The following NAALADL2 variants were observed in gnomAD, a reference collection of about 807,000 sequenced individuals.
NAALADL2 encodes N-acetylated alpha-linked acidic dipeptidase like 2, also known as inactive N-acetylated-alpha-linked acidic dipeptidase-like protein 2.
A neutral mutation model predicts 87.2 loss-of-function variants in NAALADL2; 76 were observed. The ratio of observed to expected loss-of-function variants is 0.87; its 90% confidence interval spans 0.72 to 1.05. The LOEUF (loss-of-function observed/expected upper bound fraction) is 1.05, where lower values mean the gene tolerates loss of function less well. Among genes scored for constraint, NAALADL2 ranks in the 50% least tolerant of loss-of-function variants. The pLI is 0.00. For synonymous variants in NAALADL2, 354 were observed against 331.0 expected, an observed-to-expected ratio of 1.07 and a Z score of -0.75; for missense variants, 1,089 against 945.8, an observed-to-expected ratio of 1.15 and a Z score of -1.99.
chr3:175,118,372 T>C (rs1229936275), intron 2 of NAALADL2, among the ~76,000 whole-genome samples: 1 of 151,622 alleles, frequency 6.6e-6, no homozygotes, highest in Non-Finnish European at 1.5e-5. Context: ...GTATCAATAA[T>C]GAGTATGCTA....
intron 1 of NAALADL2, among the ~76,000 whole-genome samples, chr3:175,065,291 A>G (rs1294537378): frequency 1.3e-5 from 2 of 152,194 alleles, no homozygotes; most frequent in East Asian, 1.9e-4. Context: ...AAGTCTTACT[A>G]TAAATCACTG....
chr3:174,520,438 T>C (rs942426394), intron 1 of NAALADL2, among the ~76,000 whole-genome samples: 1 of 151,972 alleles, frequency 6.6e-6, no homozygotes, highest in African/African-American at 2.4e-5. Flanking sequence ...TTTGATAAAG[T>C]TGAGAAAAAT....
At chr3:175,266,725 A>C (rs900783200) in intron 4 of NAALADL2, among the ~76,000 whole-genome samples, 7 of 151,846 alleles carry the variant, frequency 4.6e-5, no homozygotes, top group South Asian at 2.1e-4. Flanking sequence ...ATTCAGAAAT[A>C]ACTCTTATAG....
intron 2 of NAALADL2, among the ~76,000 whole-genome samples, chr3:174,697,721 TTAAAAA>T: frequency 6.6e-6 from 1 of 152,158 alleles, no homozygotes. Flanking sequence ...ATTTTTCTTA[TTAAAAA>T]TAAATATGTA....
intron 3 of NAALADL2, among the ~76,000 whole-genome samples, chr3:174,801,484 C>T (rs1032634050): frequency 1.7e-4 from 26 of 152,204 alleles, no homozygotes; most frequent in African/African-American, 5.8e-4. Flanking sequence ...TGTAAATTGC[C>T]CAGTCTCAGG....
intron 10 of NAALADL2, 36 bp from the exon 11 acceptor site, chr3:175,627,255 A>G (rs2149715288): frequency 4.8e-6 from 7 of 1,465,734 alleles, no homozygotes; most frequent in South Asian, 1.3e-5. Flanking sequence ...AAAATCGATA[A>G]AGAGTTTTAA....
At chr3:175,208,167 A>T (rs1423668384) in intron 2 of NAALADL2, among the ~76,000 whole-genome samples, 1 of 152,062 alleles carries the variant, frequency 6.6e-6, no homozygotes, top group Non-Finnish European at 1.5e-5. Flanking sequence ...TAGTAAATTT[A>T]ATATTTTGAT....
At chr3:175,235,139 T>C (rs1007373798) in intron 3 of NAALADL2, 5 of 152,132 alleles carry the variant, frequency 3.3e-5, no homozygotes, top group Non-Finnish European at 7.4e-5. Context: ...CTGACTGTTG[T>C]TAATGGCACA....
At chr3:175,157,544 G>C (rs1339649423) in intron 2 of NAALADL2, among the ~76,000 whole-genome samples, 1 of 152,072 alleles carries the variant, frequency 6.6e-6, no homozygotes, top group Non-Finnish European at 1.5e-5. Flanking sequence ...AAACAACTCT[G>C]AATTAGCCTT....
chr3:175,623,274 T>C (rs1170391140), intron 10 of NAALADL2, among the ~76,000 whole-genome samples: 6 of 135,502 alleles, frequency 4.4e-5, no homozygotes, highest in Non-Finnish European at 9.6e-5. Flanking sequence ...ATTTAGTTAA[T>C]ACAGCTTTTA....
intron 1 of NAALADL2, among the ~76,000 whole-genome samples, chr3:174,450,890 A>AAAAG (rs1180049553): frequency 2.2e-4 from 33 of 150,170 alleles, no homozygotes; most frequent in Admixed American, 3.3e-4. Flanking sequence ...AAAAAAAAAA[A>AAAAG]AAAGAAAGAA....
At chr3:174,445,825 G>T (rs1158732816) in intron 1 of NAALADL2, among the ~76,000 whole-genome samples, 1 of 152,070 alleles carries the variant, frequency 6.6e-6, no homozygotes, top group Non-Finnish European at 1.5e-5. Context: ...GCGATTATAT[G>T]AGAAGTGAGT....
intron 1 of NAALADL2, among the ~76,000 whole-genome samples, chr3:175,070,010 T>G (rs1201549942): frequency 1.1e-4 from 11 of 99,974 alleles, no homozygotes; most frequent in East Asian, 3.2e-4. Context: ...TGGGGACTGT[T>G]GTGGGGTAGG....
At chr3:174,792,421 C>G (rs1717573037) in intron 3 of NAALADL2, among the ~76,000 whole-genome samples, 1 of 152,050 alleles carries the variant, frequency 6.6e-6, no homozygotes, top group South Asian at 2.1e-4. Flanking sequence ...TGCCTACTAC[C>G]CAGTTTTCAT....
chr3:175,728,257 G>A (rs769987332), intron 11 of NAALADL2, among the ~76,000 whole-genome samples: 55 of 152,248 alleles, frequency 3.6e-4, no homozygotes, highest in Non-Finnish European at 3.4e-4. Flanking sequence ...TGTGTTGGAG[G>A]CAGATATTTA....
At chr3:175,273,046 ATATT>A (rs956534691) in intron 4 of NAALADL2, among the ~76,000 whole-genome samples, 2 of 152,114 alleles carry the variant, frequency 1.3e-5, no homozygotes, top group Admixed American at 6.5e-5. Context: ...GATGTACTAA[ATATT>A]TAGTCCATTT....
At chr3:175,199,864 ATTTTTTTTTTTTTTTTTTTT>A (rs869050569) in intron 2 of NAALADL2, among the ~76,000 whole-genome samples, 2 of 13,052 alleles carry the variant, frequency 1.5e-4, no homozygotes, top group African/African-American at 4.7e-4. Flanking sequence ...ATATATATAT[ATTTTTTTTTTTTTTTTTTTT>A]TTTTTTTTCC....
chr3:175,122,061 T>C (rs1726238068), intron 2 of NAALADL2, among the ~76,000 whole-genome samples: 1 of 151,892 alleles, frequency 6.6e-6, no homozygotes, highest in Non-Finnish European at 1.5e-5. Context: ...TAAAGTCAGC[T>C]CTATATTGTT....
At chr3:174,609,811 C>A (rs189206819) in intron 2 of NAALADL2, among the ~76,000 whole-genome samples, 2 of 152,132 alleles carry the variant, frequency 1.3e-5, no homozygotes, top group Admixed American at 1.3e-4. Context: ...TTGGAAAAAA[C>A]TACTTTAAGT....
Sources: allele counts gnomAD v4.1 joint callset (sites outside exome capture counted in the v4.1 genomes callset), GRCh38; gene constraint gnomAD v4.1.1; transcripts MANE v1.5; gene names NCBI Gene and HGNC (gene_info 2026-07-23, HGNC 2026-07-21).